The following AGFG1 variants were observed in gnomAD, a reference collection of about 807,000 sequenced individuals.
AGFG1 encodes arf-GAP domain and FG repeat-containing protein 1.
A neutral mutation model predicts 60.6 loss-of-function variants in AGFG1; 10 were observed. The ratio of observed to expected loss-of-function variants is 0.16; its 90% CI spans 0.10 to 0.28. AGFG1 has a LOEUF of 0.28. Ranked by LOEUF, AGFG1 falls within the 10% of genes least tolerant of loss-of-function variation. The pLI is 1.00. For synonymous variants in AGFG1, 247 were observed against 242.9 expected (o/e 1.02, Z -0.16); for missense variants, 537 against 676.5 (o/e 0.79, Z 2.29).
At chr2:227,552,255 C>G in intron 11 of AGFG1, 138 bp downstream of exon 11, 1 of 1,107,590 alleles carries the variant, frequency 9.0e-7, no homozygotes, top group Non-Finnish European at 1.2e-6. Flanking sequence ...AAAATAAAAG[C>G]CTTTGGTGAT....
chr2:227,527,498 C>T lies in AGFG1; in HGVS notation c.694+2583C>T, dbSNP rs180933204. 2.0e-3 allele frequency among the ~76,000 whole-genome samples: 306 copies of T among 152,278 alleles called. 2 individuals are homozygous for T. Among genetic ancestry groups the T allele is most frequent in the African/African-American group, 6.9e-3 (285 of 41,560 alleles). On this transcript the variant is annotated intron_variant, in intron 5 of 12. Coordinates refer to ENST00000310078, the MANE Select transcript of AGFG1 (RefSeq NM_004504.5). ...TAAGATTCCACAAATGGTTTAGATT[C>T]ATTTCCTAACAGCTTGGTGATTTCT...
chr2:227,481,822 G>T (rs1690473290), intron 1 of AGFG1, among the ~76,000 whole-genome samples: 1 of 148,772 alleles, frequency 6.7e-6, no homozygotes, highest in African/African-American at 2.5e-5. Context: ...TCATTTCGTT[G>T]TGGGTTTGGG....
intron 3 of AGFG1, among the ~76,000 whole-genome samples, chr2:227,520,961 T>C (rs2106205975): frequency 6.6e-6 from 1 of 152,278 alleles, no homozygotes; most frequent in East Asian, 1.9e-4. Flanking sequence ...GAACATTTGT[T>C]GTGGTTTACA....
In AGFG1 at chr2:227,551,941, G is replaced by A. The variant is rs968361852; in HGVS notation, c.1379-18G>A. On this transcript the variant is annotated intron_variant, in intron 10 of 12. Transcript: ENST00000310078. ...ATATCCTGTTGTATGTAACTGATCAGCCCTTCTCTTCTGTCAGCGGCAACC... is the reference window on the plus strand; with the variant it reads ...ATATCCTGTTGTATGTAACTGATCAACCCTTCTCTTCTGTCAGCGGCAACC... 4 of 1,612,926 alleles carry A rather than the reference G, an allele frequency of 2.5e-6. No individual in the cohort carries two copies. Among genetic ancestry groups the A allele is most frequent in the Non-Finnish European group, 3.4e-6 (4 of 1,179,350 alleles).
intron 10 of AGFG1, among the ~76,000 whole-genome samples, chr2:227,544,525 C>T (rs1420634987): frequency 6.6e-6 from 1 of 152,122 alleles, no homozygotes; most frequent in Non-Finnish European, 1.5e-5. Flanking sequence ...TTATTTTGCT[C>T]ATTAGTTGAT....
chr2:227,548,615 C>G (rs1692721064), intron 10 of AGFG1, among the ~76,000 whole-genome samples: 1 of 152,168 alleles, frequency 6.6e-6, no homozygotes, highest in African/African-American at 2.4e-5. Context: ...TAATGCAAGA[C>G]TGCTCTGAGC....
chr2:227,511,245 T>C (rs1691490805), intron 2 of AGFG1, among the ~76,000 whole-genome samples: 1 of 152,252 alleles, frequency 6.6e-6, no homozygotes, highest in South Asian at 2.1e-4. Flanking sequence ...TAGATATGCC[T>C]CTAAAACAGG....
At chr2:227,539,422 G>A (rs1326561560) in intron 10 of AGFG1, among the ~76,000 whole-genome samples, 1 of 124,848 alleles carries the variant, frequency 8.0e-6, no homozygotes, top group East Asian at 2.7e-4. Context: ...CAGCCTGGGC[G>A]ACAGAGCAAG....
chr2:227,554,561 A>C lies in AGFG1; in HGVS notation c.*66A>C. ...CACATTACATCTCTCCACCTCTTGC[A>C]CTGTTGTCTTGTTTCACTGATCTTA... On this transcript the variant is annotated 3_prime_UTR_variant, in exon 13 of 13. Transcript: ENST00000310078. 1 of 1,327,516 alleles carries C rather than the reference A, an allele frequency of 7.5e-7. No homozygotes were observed. Among genetic ancestry groups the C allele is most frequent in the South Asian group, 1.3e-5 (1 of 79,714 alleles). 82.2% of individuals were successfully genotyped at this position (1,327,516 alleles called of 1,614,324 possible).
intron 2 of AGFG1, among the ~76,000 whole-genome samples, chr2:227,497,425 A>C (rs1481780426): frequency 6.6e-6 from 1 of 152,006 alleles, no homozygotes; most frequent in East Asian, 1.9e-4. Context: ...TTTTCTTGCC[A>C]TTTTACCAAT....
intron 10 of AGFG1, among the ~76,000 whole-genome samples, chr2:227,539,435 T>A (rs1692411458): frequency 7.2e-5 from 3 of 41,676 alleles, no homozygotes; most frequent in Non-Finnish European, 1.6e-4. Flanking sequence ...AGAGCAAGAC[T>A]CTGTCTCAAA....
chr2:227,552,009 C>G lies in AGFG1; in HGVS notation c.1429C>G (p.Pro477Ala), dbSNP rs901070431. Residue 477 changes from proline to alanine, a missense_variant, in exon 11 of 13, where the codon CCT becomes GCT. Coordinates refer to ENST00000310078, the MANE Select transcript of AGFG1 (RefSeq NM_004504.5). ...GAGCATGCCCACAGGATTCGGCACT[C>G]CTGCTCCCTACAGTCTTCCCACCAG... is the stretch of plus-strand genomic sequence containing the variant. ...SMSMPTGFGT[P>A]APYSLPTSFS... 6.2e-7 allele frequency: 1 copy of G among 1,614,192 alleles called. No homozygotes were observed. The highest frequency in any genetic ancestry group is 8.5e-7 in the Non-Finnish European group (1 of 1,180,036).
intron 2 of AGFG1, among the ~76,000 whole-genome samples, chr2:227,514,028 A>G (rs1001700791): frequency 1.2e-4 from 18 of 152,158 alleles, no homozygotes; most frequent in African/African-American, 4.1e-4. Flanking sequence ...AGAAGTTCAG[A>G]GGAGGGAGAG....
chr2:227,555,431 G>A lies in AGFG1; in HGVS notation c.*936G>A, dbSNP rs564072667. The A allele has an allele frequency of 2.0e-5, 3 of 152,482 alleles. No individual in the cohort carries two copies. In the East Asian group the frequency reaches 5.8e-4, roughly 29 times the overall value. 9.4% of individuals were successfully genotyped at this position (152,482 alleles called of 1,614,324 possible). A position where few individuals can be genotyped will look rare whatever the true frequency, so the allele number is the denominator to read the frequency against. Reference sequence around the variant, plus strand: ...ATTTACAAATTTTTCTAAGTATCTTGAATTCTCAGACTGCAAAAGGCCTAT... The same window carrying A: ...ATTTACAAATTTTTCTAAGTATCTTAAATTCTCAGACTGCAAAAGGCCTAT... On this transcript the variant is annotated 3_prime_UTR_variant, in exon 13 of 13. Coordinates refer to ENST00000310078, the MANE Select transcript of AGFG1 (RefSeq NM_004504.5).
In AGFG1 at chr2:227,538,121, G is replaced by A. The variant is rs76009459; in HGVS notation, c.1378+1128G>A. ...ACAATTTATCAGGTGTGTGATATGT[G>A]CAGTGTTTCTGTTTCTTAGCATACT... On this transcript the variant is annotated intron_variant, in intron 10 of 12. Transcript: ENST00000310078. 8.1e-3 allele frequency among the ~76,000 whole-genome samples: 1,240 copies of A among 152,266 alleles called. 41 individuals carry two copies. The East Asian group carries it at 0.087, about 11-fold the overall frequency.
At chr2:227,546,464 C>T (rs1575115768) in intron 10 of AGFG1, among the ~76,000 whole-genome samples, 1 of 152,194 alleles carries the variant, frequency 6.6e-6, no homozygotes, top group African/African-American at 2.4e-5. Flanking sequence ...CCCCGCCTTG[C>T]TTCGGCTCAC....
chr2:227,543,461 G>A (rs890142140), intron 10 of AGFG1, among the ~76,000 whole-genome samples: 39 of 152,118 alleles, frequency 2.6e-4, no homozygotes, highest in African/African-American at 9.2e-4. Context: ...GTAGTTTTGC[G>A]GTTTTGATTG....
At chr2:227,548,876 G>T (rs1575117702) in intron 10 of AGFG1, among the ~76,000 whole-genome samples, 1 of 152,162 alleles carries the variant, frequency 6.6e-6, no homozygotes, top group Non-Finnish European at 1.5e-5. Flanking sequence ...GGTGGAGCTT[G>T]CAGTGAGCCG....
Position 227,551,962 on chromosome 2 carries a change from C to A in AGFG1, c.1382C>A (p.Ala461Glu). The A allele has an allele frequency of 6.2e-7, 1 of 1,613,714 alleles. No homozygotes were observed. Among genetic ancestry groups the A allele is most frequent in the Non-Finnish European group, 8.5e-7 (1 of 1,179,762 alleles). The change falls in exon 11 of 13, where the codon GCA becomes GAA. Residue 461 changes from alanine (A) to glutamate (E), a missense_variant. Coordinates refer to ENST00000310078, the MANE Select transcript of AGFG1 (RefSeq NM_004504.5). ...ATCAGCCCTTCTCTTCTGTCAGCGGCAACCTTTGGCACTGCATCCATGAGC... is the reference window on the plus strand; with the variant it reads ...ATCAGCCCTTCTCTTCTGTCAGCGGAAACCTTTGGCACTGCATCCATGAGC... ...FQTNARGATA[A>E]TFGTASMSMP...
Sources: allele counts gnomAD v4.1 joint callset (sites outside exome capture counted in the v4.1 genomes callset), GRCh38; gene constraint gnomAD v4.1.1; transcripts MANE v1.5; gene names NCBI Gene and HGNC (gene_info 2026-07-23, HGNC 2026-07-21).